CALN1: variants seen among roughly 807,000 people sequenced by gnomAD.
The protein encoded by CALN1 is calcium-binding protein 8.
Under a neutral mutation model 30.6 loss-of-function variants are expected in CALN1, and 17 were observed. The observed-to-expected ratio is 0.56, with a 90% CI of 0.38 to 0.83. The LOEUF (loss-of-function observed/expected upper bound fraction) is 0.83. Among genes scored for constraint, CALN1 ranks in the 40% least tolerant of loss-of-function variants. The pLI is 0.00. For synonymous variants in CALN1, 156 were observed against 131.4 expected, an observed-to-expected ratio of 1.19 and a Z score of -1.28; for missense variants, 291 against 354.9, an observed-to-expected ratio of 0.82 and a Z score of 1.45.
chr7:72,010,813 A>AAAAG (rs1800029434), intron 5 of CALN1, among the ~76,000 whole-genome samples: 1 of 151,114 alleles, frequency 6.6e-6, no homozygotes, highest in African/African-American at 2.4e-5. Context: ...CTCAAAAAAA[A>AAAAG]AAAAGAAAAG....
intron 5 of CALN1, among the ~76,000 whole-genome samples, chr7:71,908,829 G>A (rs150098154): frequency 3.3e-4 from 50 of 152,306 alleles, no homozygotes; most frequent in African/African-American, 1.1e-3. Flanking sequence ...GTTCCAATGA[G>A]TCAACTTGGT....
In CALN1 at chr7:71,967,639, A is replaced by AAAAAAAG. The variant is rs555970609; in HGVS notation, c.501+56017_501+56018insCTTTTTT. ...AGACCCTGTTTCAAAAAAAAAAAAAAAAAGAAAGAAAAGAAAAGAAAAGAA... is the reference window on the plus strand; with the variant it reads ...AGACCCTGTTTCAAAAAAAAAAAAAAAAAAAAGAAAGAAAGAAAAGAAAAGAAAAGAA... On this transcript the variant is annotated intron_variant, in intron 5 of 6. Coordinates refer to ENST00000395275, the MANE Select transcript of CALN1 (RefSeq NM_031468.4). 3.4e-3 allele frequency among the ~76,000 whole-genome samples: 483 copies of AAAAAAAG among 142,642 alleles called. 6 individuals are homozygous for AAAAAAAG. Among genetic ancestry groups the AAAAAAAG allele is most frequent in the African/African-American group, 0.011 (417 of 37,338 alleles). The allele number at this position is 142,642 out of a possible 152,430, so 93.6% of individuals were successfully genotyped here. A position where few individuals can be genotyped will look rare whatever the true frequency, so the allele number is the denominator to read the frequency against.
chr7:71,816,351 C>T (rs1788265538), intron 5 of CALN1, among the ~76,000 whole-genome samples: 1 of 152,060 alleles, frequency 6.6e-6, no homozygotes, highest in Non-Finnish European at 1.5e-5. Context: ...TCATGGGACC[C>T]TGTCTCTTTA....
intron 2 of CALN1, among the ~76,000 whole-genome samples, chr7:72,391,477 TGAAGAA>T (rs10579096): frequency 6.6e-6 from 1 of 151,748 alleles, no homozygotes; most frequent in Non-Finnish European, 1.5e-5. Flanking sequence ...CCCAGCATGA[TGAAGAA>T]GAAGTGTGGT....
At chr7:72,501,948 T>TATATATATATATATATATATACAC in the CALN1 span, among the ~76,000 whole-genome samples, 25 of 72,350 alleles carry the variant, frequency 3.5e-4, 1 homozygote, top group African/African-American at 1.7e-3. Flanking sequence ...TATATATATA[T>TATATATATATATATATATATACAC]ACACACATAT....
In CALN1 at chr7:72,165,595, A is replaced by T. The variant is rs185268008; in HGVS notation, c.245-59301T>A. Among the ~76,000 whole-genome samples the T allele has an allele frequency of 1.7e-3, 255 of 152,138 alleles. 2 individuals carry two copies. Among genetic ancestry groups the T allele is most frequent in the African/African-American group, 5.8e-3 (243 of 41,560 alleles). ...AGGGCCAAAAACTCTGTCTCCAACAACAACAAACAAACAAACAAGCAAACA... is the reference window on the plus strand; with the variant it reads ...AGGGCCAAAAACTCTGTCTCCAACATCAACAAACAAACAAACAAGCAAACA... On this transcript the variant is annotated intron_variant, in intron 3 of 6. Transcript: ENST00000395275.
rs191897415 is a variant in CALN1 at position 71,952,087 on chromosome 7, A to G, written c.501+71570T>C. ...TGCTTTCTGGGACATCTTCAAGAGA[A>G]ACAGTTGCTAGCTGAAGTATGAAAA... On this transcript the variant is annotated intron_variant, in intron 5 of 6. Transcript: ENST00000395275. Among the ~76,000 whole-genome samples the G allele has an allele frequency of 2.5e-3, 378 of 152,288 alleles. 2 individuals are homozygous for G. The highest frequency in any genetic ancestry group is 4.0e-3 in the Non-Finnish European group (269 of 68,024).
intron 4 of CALN1, among the ~76,000 whole-genome samples, chr7:72,104,997 T>C (rs1806978414): frequency 6.9e-6 from 1 of 145,300 alleles, no homozygotes; most frequent in Non-Finnish European, 1.5e-5. Context: ...AAAAATTAAA[T>C]GAAAATAAGA....
chr7:72,393,420 C>T (rs1043469012), intron 2 of CALN1, among the ~76,000 whole-genome samples: 3 of 152,098 alleles, frequency 2.0e-5, no homozygotes, highest in Admixed American at 6.5e-5. Flanking sequence ...GCCGAGATCG[C>T]GCCACTGCAC....
intron 5 of CALN1, among the ~76,000 whole-genome samples, chr7:71,992,269 C>G (rs1032007334): frequency 6.6e-6 from 1 of 152,190 alleles, no homozygotes; most frequent in South Asian, 2.1e-4. Flanking sequence ...ATTGCTGCAG[C>G]TCATAAACTA....
intron 5 of CALN1, among the ~76,000 whole-genome samples, chr7:71,976,989 C>T (rs1040944981): frequency 6.6e-6 from 1 of 152,194 alleles, no homozygotes; most frequent in Non-Finnish European, 1.5e-5. Context: ...CAAAATCCAC[C>T]CGAACCTTTT....
At chr7:72,127,693 CAGA>C (rs1200382874) in intron 3 of CALN1, among the ~76,000 whole-genome samples, 3 of 152,112 alleles carry the variant, frequency 2.0e-5, no homozygotes, top group Non-Finnish European at 4.4e-5. Flanking sequence ...AAGAAAAATC[CAGA>C]AGGTTTGTTT....
chr7:71,949,351 T>C (rs1219127994), intron 5 of CALN1, among the ~76,000 whole-genome samples: 3 of 152,176 alleles, frequency 2.0e-5, no homozygotes, highest in South Asian at 2.1e-4. Flanking sequence ...ACATAAGGCG[T>C]ATACCAAGTA....
At chr7:72,321,400 G>T (rs773635904) in intron 2 of CALN1, among the ~76,000 whole-genome samples, 1 of 152,190 alleles carries the variant, frequency 6.6e-6, no homozygotes, top group African/African-American at 2.4e-5. Context: ...CATCAATTAT[G>T]AACTATTCTT....
At position 72,403,332 on chromosome 7, in the gene CALN1, T is replaced by C. The variant is rs1371654631; in HGVS notation, c.38A>G (p.Glu13Gly). The change falls in exon 2 of 7, where the codon GAG becomes GGG. Residue 13 changes from glutamate (E) to glycine (G), a missense_variant. This residue lies in a region of CALN1 where 122 missense variants were observed against 103.2 expected (regional missense o/e 1.18). Coordinates refer to ENST00000395275, the MANE Select transcript of CALN1 (RefSeq NM_031468.4). ...TCCTCCGTCCCCCTTTTTCTCATTC[T>C]CGGGCTTCCCCTCTCCGGGTTGCTC... ...LPEQPGEGKP[E>G]NEKKGDGGAL... 1.3e-6 allele frequency: 2 copies of C among 1,549,608 alleles called. No individual in the cohort carries two copies. Among genetic ancestry groups the C allele is most frequent in the South Asian group, 2.4e-5 (2 of 84,060 alleles).
At chr7:71,874,766 G>A (rs913120757) in intron 5 of CALN1, among the ~76,000 whole-genome samples, 56 of 152,274 alleles carry the variant, frequency 3.7e-4, no homozygotes, top group African/African-American at 1.3e-3. Context: ...AGGGTACAAA[G>A]GGGAGGCCAA....
intron 5 of CALN1, among the ~76,000 whole-genome samples, chr7:71,965,549 G>A (rs560204316): frequency 6.6e-6 from 1 of 151,664 alleles, no homozygotes; most frequent in South Asian, 2.1e-4. Flanking sequence ...CTTCAGAGCT[G>A]CTATTTGAAA....
chr7:71,831,350 T>C (rs1038992152), intron 5 of CALN1, among the ~76,000 whole-genome samples: 7 of 151,366 alleles, frequency 4.6e-5, no homozygotes, highest in Non-Finnish European at 1.0e-4. Flanking sequence ...TGCAGTGGCG[T>C]ATGCCTGTAA....
In CALN1 at chr7:72,009,164, A is replaced by T. The variant is rs190989970; in HGVS notation, c.501+14493T>A. ...TAGCAAGCCTAAAGTCAAAGTTATA[A>T]ATCAATTCCATACTGTACAGAATTT... On this transcript the variant is annotated intron_variant, in intron 5 of 6. Coordinates refer to ENST00000395275, the MANE Select transcript of CALN1 (RefSeq NM_031468.4). Among the ~76,000 whole-genome samples, 254 of 152,360 alleles carry T rather than the reference A, an allele frequency of 1.7e-3. 1 individual carries two copies. Among genetic ancestry groups the T allele is most frequent in the African/African-American group, 5.9e-3 (246 of 41,590 alleles).
Sources: allele counts gnomAD v4.1 joint callset (sites outside exome capture counted in the v4.1 genomes callset), GRCh38; gene constraint gnomAD v4.1.1; regional missense constraint gnomAD v4.1.1; transcripts MANE v1.5; gene names NCBI Gene and HGNC (gene_info 2026-07-23, HGNC 2026-07-21).